Variants in CPT1A observed in about 807,000 individuals in gnomAD.
CPT1A encodes the protein carnitine palmitoyltransferase 1A, also known as carnitine O-palmitoyltransferase 1, liver isoform.
In CPT1A, 64 loss-of-function variants were observed where a neutral mutation model predicts 100.8. The observed-to-expected ratio is 0.63, with a 90% confidence interval of 0.52 to 0.78. The LOEUF is 0.78. Among genes scored for constraint, CPT1A ranks in the 30% least tolerant of loss-of-function variants. The pLI is 0.00. For synonymous variants in CPT1A, 363 were observed against 396.0 expected (o/e 0.92, Z 0.99); for missense variants, 802 against 1,034.1 (o/e 0.78, Z 3.08).
chr11:68,759,347 A>T (rs1404211248), intron 18 of CPT1A, among the ~76,000 whole-genome samples: 1 of 151,506 alleles, frequency 6.6e-6, no homozygotes, highest in African/African-American at 2.4e-5. Context: ...GTGAGCCAAG[A>T]TCTCGCCCCT....
chr11:68,798,890 G>C (rs1044182944), intron 6 of CPT1A, among the ~76,000 whole-genome samples: 37 of 152,192 alleles, frequency 2.4e-4, no homozygotes, highest in African/African-American at 8.9e-4. Context: ...GGCTGGGTGT[G>C]GTGGCTCATG....
chr11:68,828,063 G>A (rs1856777855), intron 1 of CPT1A, among the ~76,000 whole-genome samples: 1 of 152,186 alleles, frequency 6.6e-6, no homozygotes, highest in Admixed American at 6.5e-5. Context: ...AGAGCATAGT[G>A]TTCGTGGGCA....
chr11:68,757,541 T>A lies in CPT1A; in HGVS notation c.*103A>T, dbSNP rs929640845. The A allele has an allele frequency of 3.8e-6, 6 of 1,577,110 alleles. No homozygotes were observed. The African/African-American group carries it at 5.5e-5, about 14-fold the overall frequency. On this transcript the variant is annotated 3_prime_UTR_variant, in exon 19 of 19. Coordinates refer to ENST00000265641, the MANE Select transcript of CPT1A (RefSeq NM_001876.4). ...TTCTGGAAGGAAAACTGAGTTTTTTTAAGAGCAGTGTTTCATCCCGAGCTA... is the reference window on the plus strand; with the variant it reads ...TTCTGGAAGGAAAACTGAGTTTTTTAAAGAGCAGTGTTTCATCCCGAGCTA...
At chr11:68,774,695 T>C (rs1233846086) in intron 13 of CPT1A, among the ~76,000 whole-genome samples, 1 of 149,330 alleles carries the variant, frequency 6.7e-6, no homozygotes, top group African/African-American at 2.5e-5. Context: ...AGCAGGAGAA[T>C]CGTTTGAACC....
intron 2 of CPT1A, among the ~76,000 whole-genome samples, chr11:68,814,070 G>T (rs1257187503): frequency 6.6e-6 from 1 of 152,048 alleles, no homozygotes; most frequent in Non-Finnish European, 1.5e-5. Flanking sequence ...CTGAGTTACC[G>T]CTGGGGCTGG....
At chr11:68,844,141 T>A (rs1857206756), upstream of CPT1A, 1 of 152,230 alleles carries the variant, frequency 6.6e-6, no homozygotes, top group African/African-American at 2.4e-5. Context: ...GGCGCCACGC[T>A]CACCTGTGCC....
At chr11:68,782,004 C>T (rs368697342) in intron 10 of CPT1A, 45 bp from the exon 11 acceptor site, 13 of 1,537,152 alleles carry the variant, frequency 8.5e-6, no homozygotes, top group Middle Eastern at 1.7e-4. Flanking sequence ...CGACCTGCAG[C>T]GATGGAGCGT....
At chr11:68,834,602 A>G (rs1856963558) in intron 1 of CPT1A, among the ~76,000 whole-genome samples, 2 of 152,100 alleles carry the variant, frequency 1.3e-5, no homozygotes, top group African/African-American at 4.8e-5. Flanking sequence ...AAATACAAAA[A>G]TTAGCCAAGG....
At chr11:68,818,147 G>A (rs1433929269) in intron 1 of CPT1A, among the ~76,000 whole-genome samples, 1 of 152,110 alleles carries the variant, frequency 6.6e-6, no homozygotes, top group African/African-American at 2.4e-5. Context: ...CATGGGCCTG[G>A]CCCACTCTGT....
chr11:68,832,312 T>C (rs570763723), intron 1 of CPT1A, among the ~76,000 whole-genome samples: 1 of 152,318 alleles, frequency 6.6e-6, no homozygotes, highest in South Asian at 2.1e-4. Flanking sequence ...TAGCTGGGCT[T>C]GGTGGCATGC....
intron 9 of CPT1A, among the ~76,000 whole-genome samples, chr11:68,787,998 G>A (rs931120544): frequency 8.0e-5 from 12 of 150,844 alleles, no homozygotes; most frequent in Non-Finnish European, 1.3e-4. Flanking sequence ...GGATGACCAC[G>A]TAAGGACACA....
intron 1 of CPT1A, among the ~76,000 whole-genome samples, chr11:68,838,567 CTT>C (rs139306877): frequency 0.14 from 422 of 3,008 alleles, 4 homozygotes; most frequent in Middle Eastern, 0.5. Flanking sequence ...GTATCTGCAC[CTT>C]TTTAAAAAAA....
Position 68,762,661 on chromosome 11 carries a change from T to C in CPT1A, c.1841A>G (p.Asp614Gly). 1 of 1,613,900 alleles carries C rather than the reference T, an allele frequency of 6.2e-7. No individual in the cohort carries two copies. Among genetic ancestry groups the C allele is most frequent in the Non-Finnish European group, 8.5e-7 (1 of 1,180,014 alleles). ...CGGGTCCACCATGGCCCGCACGAAG[T>C]CGCATGACTCAGTGGTGCAGGAGCG... ...TVRSCTTESCDFVRAMVDPAQ... is the reference protein window; with the variant it reads ...TVRSCTTESCGFVRAMVDPAQ... The change falls in exon 15 of 19, where the codon GAC becomes GGC. Residue 614 changes from aspartate (D) to glycine (G), a missense_variant. Transcript: ENST00000265641.
In CPT1A at chr11:68,808,337, G is replaced by A. The variant is rs565821239; in HGVS notation, c.282-699C>T. Among the ~76,000 whole-genome samples, 25 of 151,566 alleles carry A rather than the reference G, an allele frequency of 1.6e-4. No individual in the cohort carries two copies. The South Asian group carries it at 5.2e-3, about 32-fold the overall frequency. On this transcript the variant is annotated intron_variant, in intron 3 of 18. Coordinates refer to ENST00000265641, the MANE Select transcript of CPT1A (RefSeq NM_001876.4). Reference sequence around the variant, plus strand: ...GTGAAGGAAGGTAGTATATATTATGGTAAAGATGGGACTTTAAAAATGAGA... The same window carrying A: ...GTGAAGGAAGGTAGTATATATTATGATAAAGATGGGACTTTAAAAATGAGA...
At chr11:68,798,552 C>T (rs1855817644) in intron 6 of CPT1A, among the ~76,000 whole-genome samples, 1 of 152,140 alleles carries the variant, frequency 6.6e-6, no homozygotes, top group Admixed American at 6.5e-5. Flanking sequence ...CAGCCAGCTC[C>T]CCGCACACAG....
At chr11:68,833,986 G>C (rs959009761) in intron 1 of CPT1A, among the ~76,000 whole-genome samples, 2 of 152,082 alleles carry the variant, frequency 1.3e-5, no homozygotes, top group Non-Finnish European at 2.9e-5. Flanking sequence ...CACCCAGCCT[G>C]GAGCTTTCAT....
chr11:68,814,001 C>T (rs1243840071), intron 2 of CPT1A, among the ~76,000 whole-genome samples: 1 of 152,124 alleles, frequency 6.6e-6, no homozygotes, highest in African/African-American at 2.4e-5. Flanking sequence ...AGGCCTTTCT[C>T]AGTGGCCCAC....
Position 68,838,582 on chromosome 11 carries a change from A to ACAAAAAAAAAAAAAAAC in CPT1A, c.-14+3192_-14+3193insGTTTTTTTTTTTTTTTG, listed in dbSNP as rs1566394917. Among the ~76,000 whole-genome samples, 93 of 145,380 alleles carry ACAAAAAAAAAAAAAAAC rather than the reference A, an allele frequency of 6.4e-4. 1 individual carries two copies. The highest frequency in any genetic ancestry group is 2.2e-3 in the African/African-American group (84 of 39,010). ...GTATCTGCACCTTTTTAAAAAAAAA[A>ACAAAAAAAAAAAAAAAC]AAAAAAAAACAGAGACAGGGTCTGG... On this transcript the variant is annotated intron_variant, in intron 1 of 18. Coordinates refer to ENST00000265641, the MANE Select transcript of CPT1A (RefSeq NM_001876.4).
intron 3 of CPT1A, among the ~76,000 whole-genome samples, chr11:68,810,270 C>A (rs1042894058): frequency 3.3e-5 from 5 of 152,158 alleles, no homozygotes; most frequent in African/African-American, 1.2e-4. Flanking sequence ...GGCAGCTACC[C>A]ACCGCAGGCC....
Sources: gnomAD v4.1 joint callset for allele counts (sites outside exome capture counted in the v4.1 genomes callset) on GRCh38, gnomAD v4.1.1 for gene constraint, MANE v1.5 for transcripts, NCBI Gene and HGNC (gene_info 2026-07-23, HGNC 2026-07-21) for gene names.